The following KLB variants were observed in gnomAD, a reference collection of about 807,000 sequenced individuals.
The protein encoded by KLB is beta-klotho.
Under a neutral mutation model 88.4 loss-of-function variants are expected in KLB, and 44 were observed. The observed-to-expected ratio is 0.50, with a 90% CI of 0.39 to 0.64. KLB has a LOEUF of 0.64. Ranked by LOEUF, KLB falls within the 30% of genes least tolerant of loss-of-function variation. The pLI is 0.00. For synonymous variants in KLB, 548 were observed against 513.4 expected (o/e 1.07, Z -0.91); for missense variants, 1,137 against 1,304.8 (o/e 0.87, Z 1.98).
At chr4:39,428,421 T>C (rs1183520792) in intron 1 of KLB, among the ~76,000 whole-genome samples, 1 of 96,964 alleles carries the variant, frequency 1.0e-5, no homozygotes, top group African/African-American at 3.1e-5. Flanking sequence ...AGAGTGAAAC[T>C]ACGTCTCAAA....
chr4:39,413,970 G>A (rs530667939), intron 1 of KLB, among the ~76,000 whole-genome samples: 2 of 152,166 alleles, frequency 1.3e-5, no homozygotes, highest in Admixed American at 1.3e-4. Context: ...CCTGTGCAAT[G>A]GAGGAGTTCA....
intron 3 of KLB, among the ~76,000 whole-genome samples, chr4:39,443,980 A>G (rs1743677934): frequency 6.6e-6 from 1 of 151,868 alleles, no homozygotes; most frequent in Admixed American, 6.6e-5. Context: ...AACATGGTGA[A>G]GCCCCGTCTC....
At position 39,407,691 on chromosome 4, in the gene KLB, C is replaced by T; in HGVS notation, c.742C>T (p.His248Tyr). 1 of 1,613,952 alleles carries T rather than the reference C, an allele frequency of 6.2e-7. No homozygotes were observed. Among genetic ancestry groups the T allele is most frequent in the Non-Finnish European group, 8.5e-7 (1 of 1,179,848 alleles). ...TCACAACCCATATCTAGTGGCTTGG[C>T]ATGGGTATGGGACAGGTATGCATGC... ...TIHNPYLVAW[H>Y]GYGTGMHAPG... The change falls in exon 1 of 5, where the codon CAT (histidine) becomes TAT (tyrosine). Residue 248 changes from histidine (H) to tyrosine (Y), a missense_variant. Coordinates refer to ENST00000257408, the MANE Select transcript of KLB (RefSeq NM_175737.4).
rs948504811 is a variant in KLB at position 39,424,702 on chromosome 4, G to T, written c.826-9508G>T. Among the ~76,000 whole-genome samples the T allele has an allele frequency of 2.2e-4, 33 of 148,452 alleles. 3 individuals carry two copies. Among genetic ancestry groups the T allele is most frequent in the African/African-American group, 6.6e-4 (25 of 38,108 alleles). The stretch of plus-strand genomic sequence containing the variant: ...GCTGGAGTGCAGTGGCGCTATCTCG[G>T]CTCACTGCAACCTTTGCATCCCGGG... On this transcript the variant is annotated intron_variant, in intron 1 of 4. Coordinates refer to ENST00000257408, the MANE Select transcript of KLB (RefSeq NM_175737.4).
intron 1 of KLB, among the ~76,000 whole-genome samples, chr4:39,430,434 A>C (rs1743321703): frequency 7.6e-6 from 1 of 131,918 alleles, no homozygotes; most frequent in Non-Finnish European, 1.7e-5. Flanking sequence ...GGTTCTCAAG[A>C]ATTTCTGTCG....
Position 39,446,008 on chromosome 4 carries a change from T to C in KLB, c.1606-324T>C, listed in dbSNP as rs1056699555. ...GCAGGGTTTAGAATCTCTTTTGTAATTGCTTTTAATTGAGTGTACCAAGCC... is the reference window on the plus strand; with the variant it reads ...GCAGGGTTTAGAATCTCTTTTGTAACTGCTTTTAATTGAGTGTACCAAGCC... On this transcript the variant is annotated intron_variant, in intron 3 of 4. Coordinates refer to ENST00000257408, the MANE Select transcript of KLB (RefSeq NM_175737.4). The surrounding 1 kb of genome is among the most constrained non-coding windows in gnomAD (Gnocchi z 6.4). Among the ~76,000 whole-genome samples, 7 of 152,168 alleles carry C rather than the reference T, an allele frequency of 4.6e-5. No homozygotes were observed. The highest frequency in any genetic ancestry group is 1.7e-4 in the African/African-American group (7 of 41,448).
At chr4:39,416,887 A>C (rs1235780404) in intron 1 of KLB, among the ~76,000 whole-genome samples, 2 of 152,176 alleles carry the variant, frequency 1.3e-5, no homozygotes, top group Non-Finnish European at 1.5e-5. Flanking sequence ...TGCTTTCTTG[A>C]ACATGAAGAA....
In KLB at chr4:39,446,616, G is replaced by T. The variant is rs752711999; in HGVS notation, c.1890G>T (p.Gly630=). ...ACTACAGGTGCGTGGTCAGTGAGGG[G>T]CTGAAGCTTGGCATCTCCGCGATGG... ...LRYYRCVVSE[G]LKLGISAMVT... is the part of the protein sequence containing the mutation. Residue 630 remains glycine (G), a synonymous_variant, in exon 4 of 5, where the codon GGG becomes GGT. Coordinates refer to ENST00000257408, the MANE Select transcript of KLB (RefSeq NM_175737.4). The surrounding 1 kb of genome is among the most constrained non-coding windows in gnomAD (Gnocchi z 6.4). 1 of 1,613,966 alleles carries T rather than the reference G, an allele frequency of 6.2e-7. No homozygotes were observed. The highest frequency in any genetic ancestry group is 1.1e-5 in the South Asian group (1 of 91,078).
At chr4:39,430,929 T>A (rs7690440) in intron 1 of KLB, among the ~76,000 whole-genome samples, 6 of 146,486 alleles carry the variant, frequency 4.1e-5, no homozygotes, top group Non-Finnish European at 9.1e-5. Context: ...TTTTTTTTTT[T>A]CCCCTGAGTC....
intron 1 of KLB, among the ~76,000 whole-genome samples, chr4:39,431,306 C>T (rs1276142619): frequency 3.9e-5 from 6 of 151,960 alleles, no homozygotes; most frequent in Admixed American, 6.6e-5. Context: ...TGCAATGTCA[C>T]GATCTCAGCT....
intron 3 of KLB, among the ~76,000 whole-genome samples, chr4:39,443,880 C>T (rs764102552): frequency 1.3e-5 from 2 of 151,188 alleles, no homozygotes; most frequent in Admixed American, 6.6e-5. Context: ...TGAACCGGGC[C>T]GGGCACAGTG....
intron 1 of KLB, among the ~76,000 whole-genome samples, chr4:39,417,381 C>T (rs1482445332): frequency 1.3e-5 from 2 of 152,126 alleles, no homozygotes; most frequent in Admixed American, 1.3e-4. Flanking sequence ...ATGGCGTGAT[C>T]TCAGCTCACC....
chr4:39,435,411 C>T (rs1179727620), intron 2 of KLB, among the ~76,000 whole-genome samples: 3 of 152,104 alleles, frequency 2.0e-5, no homozygotes, highest in Non-Finnish European at 4.4e-5. Flanking sequence ...AGCCACCGCA[C>T]CCAGCCTGAA....
chr4:39,447,019 C>T lies in KLB; in HGVS notation c.2293C>T (p.Leu765=). The change falls in exon 4 of 5, where the codon CTG becomes TTG. Residue 765 remains leucine, a synonymous_variant. Coordinates refer to ENST00000257408, the MANE Select transcript of KLB (RefSeq NM_175737.4). ...DSHWRAAERF[L]QFEIAWFAEP... ...GCACTGGAGGGCGGCCGAGCGCTTCCTGCAGTTCGAGATCGCCTGGTTCGC... is the reference window on the plus strand; with the variant it reads ...GCACTGGAGGGCGGCCGAGCGCTTCTTGCAGTTCGAGATCGCCTGGTTCGC... 6 of 1,611,318 alleles carry T rather than the reference C, an allele frequency of 3.7e-6. No homozygotes were observed. The highest frequency in any genetic ancestry group is 5.1e-6 in the Non-Finnish European group (6 of 1,179,962).
intron 1 of KLB, among the ~76,000 whole-genome samples, chr4:39,417,096 A>G (rs1423444959): frequency 5.4e-5 from 1 of 18,576 alleles, no homozygotes; most frequent in Admixed American, 1.1e-3. Flanking sequence ...CTTTAATTGA[A>G]AAAAAGGATT....
rs1743741665 is a variant in KLB at position 39,446,191 on chromosome 4, C to T, written c.1606-141C>T. The T allele has an allele frequency of 1.4e-6, 1 of 706,470 alleles. No individual in the cohort carries two copies. Among genetic ancestry groups the T allele is most frequent in the South Asian group, 2.0e-5 (1 of 50,874 alleles). 43.8% of individuals were successfully genotyped at this position (706,470 alleles called of 1,614,324 possible). On this transcript the variant is annotated intron_variant, in intron 3 of 4. Transcript: ENST00000257408. The surrounding 1 kb of genome is among the most constrained non-coding windows in gnomAD (Gnocchi z 6.4). ...TGTGGCTCCTTCTCTGTTTTCTGGT[C>T]TCCTTGGGAGATTTCAAGGGCTGGA...
intron 1 of KLB, among the ~76,000 whole-genome samples, chr4:39,408,990 T>G (rs1412880787): frequency 7.5e-6 from 1 of 133,356 alleles, no homozygotes; most frequent in Non-Finnish European, 1.7e-5. Context: ...TGTCTAAATT[T>G]GTACATACAA....
At chr4:39,423,635 A>G (rs1307676221) in intron 1 of KLB, among the ~76,000 whole-genome samples, 2 of 151,786 alleles carry the variant, frequency 1.3e-5, no homozygotes, top group Non-Finnish European at 2.9e-5. Flanking sequence ...TGTATTATCA[A>G]TAAGGTACGT....
Position 39,448,668 on chromosome 4 carries a change from C to T in KLB, c.3117C>T (p.Gly1039=). 6.2e-7 allele frequency: 1 copy of T among 1,609,578 alleles called. No individual in the cohort carries two copies. Among genetic ancestry groups the T allele is most frequent in the Non-Finnish European group, 8.5e-7 (1 of 1,179,448 alleles). The change falls in exon 5 of 5, where the codon GGC becomes GGT. Residue 1039 remains glycine, a synonymous_variant. Coordinates refer to ENST00000257408, the MANE Select transcript of KLB (RefSeq NM_175737.4). ...KNLQHIPLKK[G]KRVVS Reference sequence around the variant, plus strand: ...TACAACACATACCATTAAAGAAAGGCAAGAGAGTTGTTAGCTAAACTGATC... The same window carrying T: ...TACAACACATACCATTAAAGAAAGGTAAGAGAGTTGTTAGCTAAACTGATC...
Sources: gnomAD v4.1 joint callset for allele counts (sites outside exome capture counted in the v4.1 genomes callset) on GRCh38, gnomAD v4.1.1 for gene constraint, Gnocchi (gnomAD v3.1) non-coding constraint, MANE v1.5 for transcripts, NCBI Gene and HGNC (gene_info 2026-07-23, HGNC 2026-07-21) for gene names.